SCMH1: variants seen among roughly 807,000 people sequenced by gnomAD.
The protein encoded by SCMH1 is polycomb protein SCMH1.
Under a neutral mutation model 70.8 loss-of-function variants are expected in SCMH1, and 37 were observed. The ratio of observed to expected loss-of-function variants is 0.52; its 90% CI spans 0.40 to 0.69. The LOEUF (loss-of-function observed/expected upper bound fraction) is 0.69. Among genes scored for constraint, SCMH1 ranks in the 30% least tolerant of loss-of-function variants. SCMH1 has a pLI of 0.00. For missense variants in SCMH1, 607 were observed against 827.3 expected (o/e 0.73, Z 3.27); for synonymous variants, 292 against 307.4 (o/e 0.95, Z 0.52).
At chr1:41,028,861 A>G in intron 13 of SCMH1, 135 bp from the exon 15 acceptor site, 2 of 936,056 alleles carry the variant, frequency 2.1e-6, no homozygotes, top group Non-Finnish European at 3.1e-6. Flanking sequence ...GGAACTGGAG[A>G]TAGCTGGGGG....
At chr1:41,117,552 A>AG (rs1670808261) in intron 6 of SCMH1, among the ~76,000 whole-genome samples, 2 of 148,416 alleles carry the variant, frequency 1.3e-5, no homozygotes, top group African/African-American at 4.9e-5. Context: ...CCTCTTGCGG[A>AG]GGGCCTGACG....
Position 41,029,296 on chromosome 1 carries a change from T to C in SCMH1, c.1679-570A>G, listed in dbSNP as rs549345382. Reference sequence around the variant, plus strand: ...GGCGCCATCTCAGCTCACTGCAACTTCTGCCTCCCAGGTTCAAGCAATTGT... The same window carrying C: ...GGCGCCATCTCAGCTCACTGCAACTCCTGCCTCCCAGGTTCAAGCAATTGT... On this transcript the variant is annotated intron_variant, in intron 13 of 14. Coordinates refer to ENST00000337495, the Ensembl canonical transcript of SCMH1. Among the ~76,000 whole-genome samples, 6 of 152,316 alleles carry C rather than the reference T, an allele frequency of 3.9e-5. No homozygotes were observed. The East Asian group carries it at 1.2e-3, about 29-fold the overall frequency.
chr1:41,075,516 A>G (rs1658025126), intron 8 of SCMH1, 65 bp from the exon 9 acceptor site: 17 of 1,391,092 alleles, frequency 1.2e-5, no homozygotes, highest in Non-Finnish European at 1.7e-5. Flanking sequence ...AGCCAGAAGA[A>G]AAAAAGGACT....
At chr1:41,093,805 C>T (rs1352026090) in intron 8 of SCMH1, among the ~76,000 whole-genome samples, 1 of 152,186 alleles carries the variant, frequency 6.6e-6, no homozygotes, top group Non-Finnish European at 1.5e-5. Context: ...GGGAAGCTGT[C>T]AAGATTATGG....
intron 4 of SCMH1, among the ~76,000 whole-genome samples, chr1:41,156,368 G>GTGTT (rs1249187669): frequency 6.6e-6 from 1 of 152,140 alleles, no homozygotes; most frequent in Admixed American, 6.5e-5. Flanking sequence ...CGTATAAATA[G>GTGTT]TGTTCCATGT....
chr1:41,151,641 G>T, exon 5 of SCMH1: 1 of 1,612,862 alleles, frequency 6.2e-7, no homozygotes, highest in Non-Finnish European at 8.5e-7. Context: ...CAGGCGCTGG[G>T]ACTGAACATG....
intron 10 of SCMH1, among the ~76,000 whole-genome samples, chr1:41,058,390 T>G (rs1651334973): frequency 7.6e-6 from 1 of 130,822 alleles, no homozygotes; most frequent in Non-Finnish European, 1.6e-5. Flanking sequence ...TTTTTTTTTT[T>G]TTTTTTTTTT....
chr1:41,057,708 C>T (rs1650918443), intron 10 of SCMH1, among the ~76,000 whole-genome samples: 3 of 152,162 alleles, frequency 2.0e-5, no homozygotes, highest in African/African-American at 4.8e-5. Context: ...CTATGATTAA[C>T]ATGCTGGGGG....
intron 1 of SCMH1, among the ~76,000 whole-genome samples, chr1:41,237,022 T>C (rs1445227602): frequency 2.6e-5 from 4 of 152,216 alleles, no homozygotes; most frequent in South Asian, 2.1e-4. Flanking sequence ...ACCCAACATT[T>C]GAGTGCCTGA....
At chr1:41,055,675 T>C (rs779342323) in intron 10 of SCMH1, among the ~76,000 whole-genome samples, 3 of 152,254 alleles carry the variant, frequency 2.0e-5, no homozygotes, top group Non-Finnish European at 4.4e-5. Flanking sequence ...CCTTCAGGTT[T>C]CCTCCCTTTT....
chr1:41,159,571 G>C (rs942180207), intron 4 of SCMH1, among the ~76,000 whole-genome samples: 3 of 152,134 alleles, frequency 2.0e-5, no homozygotes, highest in Non-Finnish European at 1.5e-5. Context: ...CACAAAACTG[G>C]TAAGTGGGAA....
intron 13 of SCMH1, among the ~76,000 whole-genome samples, chr1:41,035,783 C>T (rs1645210587): frequency 6.6e-6 from 1 of 152,188 alleles, no homozygotes; most frequent in Non-Finnish European, 1.5e-5. Flanking sequence ...TAGAGTCCTA[C>T]TCATCACCAG....
At chr1:41,031,020 G>A (rs1176055758) in intron 13 of SCMH1, among the ~76,000 whole-genome samples, 1 of 152,130 alleles carries the variant, frequency 6.6e-6, no homozygotes, top group Non-Finnish European at 1.5e-5. Context: ...GAGTGCAGTG[G>A]CTCACGCTGT....
intron 1 of SCMH1, among the ~76,000 whole-genome samples, chr1:41,191,248 A>G (rs957691098): frequency 2.0e-5 from 3 of 152,248 alleles, no homozygotes; most frequent in Non-Finnish European, 2.9e-5. Flanking sequence ...AGCTACTACA[A>G]CATAACTTGG....
intron 8 of SCMH1, among the ~76,000 whole-genome samples, chr1:41,095,631 T>C (rs1664862331): frequency 6.6e-6 from 1 of 152,202 alleles, no homozygotes; most frequent in African/African-American, 2.4e-5. Flanking sequence ...GATGCTATAT[T>C]CTGGTCGATT....
chr1:41,037,261 A>C, intron 13 of SCMH1, 101 bp downstream of exon 13: 2 of 1,200,054 alleles, frequency 1.7e-6, no homozygotes, highest in Non-Finnish European at 2.3e-6. Flanking sequence ...CACCAGGCAG[A>C]GGGCAACAGA....
chr1:41,110,396 AT>A (rs1032606152), intron 8 of SCMH1, among the ~76,000 whole-genome samples: 36 of 152,120 alleles, frequency 2.4e-4, no homozygotes, highest in Non-Finnish European at 4.9e-4. Context: ...ATCATCCCTA[AT>A]TTTAAAACAT....
At chr1:41,103,306 T>A (rs1667082871) in intron 8 of SCMH1, among the ~76,000 whole-genome samples, 1 of 151,972 alleles carries the variant, frequency 6.6e-6, no homozygotes, top group South Asian at 2.1e-4. Flanking sequence ...TAATTTTTTT[T>A]TATTTTTTTA....
chr1:41,031,700 A>G (rs1449814480), intron 13 of SCMH1, among the ~76,000 whole-genome samples: 1 of 152,218 alleles, frequency 6.6e-6, no homozygotes, highest in Admixed American at 6.5e-5. Flanking sequence ...CCAAGTGCAG[A>G]GAGGCTCTGG....
Sources: allele counts gnomAD v4.1 joint callset (sites outside exome capture counted in the v4.1 genomes callset), GRCh38; gene constraint gnomAD v4.1.1; transcripts MANE v1.5; gene names NCBI Gene and HGNC (gene_info 2026-07-23, HGNC 2026-07-21).